The following PCDHGA6 variants were observed in gnomAD, a reference collection of about 807,000 sequenced individuals.
PCDHGA6 encodes the protein protocadherin gamma-A6.
A neutral mutation model predicts 60.6 loss-of-function variants in PCDHGA6; 41 were observed. That is an observed-to-expected ratio of 0.68 (90% CI 0.53 to 0.88). PCDHGA6 has a LOEUF of 0.88. Among genes scored for constraint, PCDHGA6 ranks in the 40% least tolerant of loss-of-function variants. The pLI, the probability that PCDHGA6 is intolerant of heterozygous loss-of-function variation, is 0.00. For missense variants in PCDHGA6, 1,312 were observed against 1,203.0 expected, an observed-to-expected ratio of 1.09 and a Z score of -1.34; for synonymous variants, 594 against 524.4, an observed-to-expected ratio of 1.13 and a Z score of -1.81.
intron 1 of PCDHGA6, chr5:141,418,230 A>T (rs745395585): frequency 6.2e-7 from 1 of 1,614,058 alleles, no homozygotes; most frequent in Non-Finnish European, 8.5e-7. Context: ...GTGGTGATTG[A>T]GGATGTTAAT....
intron 1 of PCDHGA6, among the ~76,000 whole-genome samples, chr5:141,397,443 A>G (rs1307784938): frequency 6.6e-6 from 1 of 152,244 alleles, no homozygotes; most frequent in African/African-American, 2.4e-5. Flanking sequence ...TATGTGTAAT[A>G]TAAAACACTA....
chr5:141,457,127 C>G (rs2098910262), intron 1 of PCDHGA6, among the ~76,000 whole-genome samples: 1 of 152,200 alleles, frequency 6.6e-6, no homozygotes, highest in Admixed American at 6.5e-5. Flanking sequence ...AATGGAAACT[C>G]TGTCCAATAT....
In PCDHGA6 at chr5:141,375,139, A is replaced by C; in HGVS notation, c.1056A>C (p.Gly352=). 6.2e-7 allele frequency: 1 copy of C among 1,613,936 alleles called. No individual in the cohort carries two copies. The highest frequency in any genetic ancestry group is 8.5e-7 in the Non-Finnish European group (1 of 1,179,876). The change falls in exon 1 of 4, where the codon GGA becomes GGC. Residue 352 remains glycine (G), a synonymous_variant. Coordinates refer to ENST00000517434, the MANE Select transcript of PCDHGA6 (RefSeq NM_018919.3). ...TACCAGAAGTGGTTGTTACATCTGGAAGCAGAACAATTGCTGAAAGTGCAC... is the reference window on the plus strand; with the variant it reads ...TACCAGAAGTGGTTGTTACATCTGGCAGCAGAACAATTGCTGAAAGTGCAC... ...DNVPEVVVTS[G]SRTIAESAPP... is the part of the protein sequence containing the mutation.
intron 1 of PCDHGA6, among the ~76,000 whole-genome samples, chr5:141,481,731 A>G (rs1339022274): frequency 6.6e-6 from 1 of 152,060 alleles, no homozygotes; most frequent in African/African-American, 2.4e-5. Context: ...AGGCGGGCGG[A>G]TCACGAGGTC....
chr5:141,461,196 T>C (rs1398352067), intron 1 of PCDHGA6, among the ~76,000 whole-genome samples: 3 of 152,128 alleles, frequency 2.0e-5, no homozygotes. Context: ...TGTTTTTTGC[T>C]CTTTAGAGAA....
At chr5:141,408,623 G>C in intron 1 of PCDHGA6, 1 of 1,614,004 alleles carries the variant, frequency 6.2e-7, no homozygotes, top group Non-Finnish European at 8.5e-7. Flanking sequence ...AATACATTTA[G>C]AAATTTTCGA....
At chr5:141,398,425 C>G (rs2093656331) in intron 1 of PCDHGA6, 2 of 1,519,432 alleles carry the variant, frequency 1.3e-6, no homozygotes, top group East Asian at 2.3e-5. Flanking sequence ...CGGGAAGAAG[C>G]CAGCTTGTGC....
Position 141,490,148 on chromosome 5 carries a change from A to T in PCDHGA6, c.2425-4659A>T. On this transcript the variant is annotated intron_variant, in intron 1 of 3. Transcript: ENST00000517434. This position sits in a 1 kb window ranked among gnomAD's most constrained non-coding sequence, Gnocchi z 5.4. The stretch of plus-strand genomic sequence containing the variant: ...CTAGACCCTAGCAGTGGGGCAATCC[A>T]TGTGTTGGGTCCCATAGACTTTGAG... The T allele has an allele frequency of 6.2e-7, 1 of 1,614,232 alleles. No homozygotes were observed. The highest frequency in any genetic ancestry group is 1.3e-5 in the African/African-American group (1 of 75,068).
At chr5:141,409,538 A>G (rs772375542) in intron 1 of PCDHGA6, 5 of 1,613,844 alleles carry the variant, frequency 3.1e-6, no homozygotes, top group Non-Finnish European at 4.2e-6. Flanking sequence ...CGCTGACATC[A>G]ACGACAACGC....
intron 1 of PCDHGA6, chr5:141,404,217 T>C (rs1188874623): frequency 6.2e-7 from 1 of 1,613,588 alleles, no homozygotes; most frequent in Non-Finnish European, 8.5e-7. Context: ...AATATCACGG[T>C]GACTGCAACA....
chr5:141,478,143 A>T (rs759384540), intron 1 of PCDHGA6: 1 of 1,614,014 alleles, frequency 6.2e-7, no homozygotes, highest in Non-Finnish European at 8.5e-7. Flanking sequence ...GCCCGAGCCG[A>T]GTTCCCCTCT....
intron 2 of PCDHGA6, among the ~76,000 whole-genome samples, chr5:141,495,377 G>A (rs558501090): frequency 1.9e-4 from 29 of 152,330 alleles, no homozygotes; most frequent in Admixed American, 6.5e-4. Flanking sequence ...ACTGAGGAAG[G>A]ACTGGGCGGG....
chr5:141,476,986 C>A lies in PCDHGA6; in HGVS notation c.2425-17821C>A. ...CCTTCGGCAGCCACAACCGCGCCGG[C>A]GTGCGGCAACTATTCGCCTTAGACC... On this transcript the variant is annotated intron_variant, in intron 1 of 3. Transcript: ENST00000517434. The surrounding 1 kb of genome is among the most constrained non-coding windows in gnomAD (Gnocchi z 7.6). 6.2e-7 allele frequency: 1 copy of A among 1,614,218 alleles called. No individual in the cohort carries two copies. The highest frequency in any genetic ancestry group is 8.5e-7 in the Non-Finnish European group (1 of 1,180,042).
chr5:141,470,597 T>A (rs1309687738), intron 1 of PCDHGA6, among the ~76,000 whole-genome samples: 5 of 152,216 alleles, frequency 3.3e-5, no homozygotes, highest in Non-Finnish European at 7.3e-5. Flanking sequence ...AGGCGACCTG[T>A]GCGGGGACAC....
intron 2 of PCDHGA6, among the ~76,000 whole-genome samples, chr5:141,502,866 C>CTTTTTTT (rs549047197): frequency 0.02 from 2,590 of 127,990 alleles, 216 homozygotes; most frequent in African/African-American, 0.075. Flanking sequence ...GACTCTCTGT[C>CTTTTTTT]TTTTTTTTTT....
At chr5:141,423,967 A>C (rs760284844) in intron 1 of PCDHGA6, 11 of 1,153,498 alleles carry the variant, frequency 9.5e-6, no homozygotes, top group Non-Finnish European at 1.2e-5. Flanking sequence ...TTTTTCTATT[A>C]TCAGTGTATG....
chr5:141,403,749 C>T (rs759577178), intron 1 of PCDHGA6: 2 of 1,613,652 alleles, frequency 1.2e-6, no homozygotes, highest in Non-Finnish European at 1.7e-6. Context: ...ACTGCAACAG[C>T]CAGCGACCTG....
chr5:141,485,116 G>T lies in PCDHGA6; in HGVS notation c.2425-9691G>T, dbSNP rs904145668. ...TGTCTCCAGCTGCTGTGGCTGTTTGGGGCGGGTCGGCTTCATCCGCGTCTC... is the reference window on the plus strand; with the variant it reads ...TGTCTCCAGCTGCTGTGGCTGTTTGTGGCGGGTCGGCTTCATCCGCGTCTC... On this transcript the variant is annotated intron_variant, in intron 1 of 3. Coordinates refer to ENST00000517434, the MANE Select transcript of PCDHGA6 (RefSeq NM_018919.3). This position sits in a 1 kb window ranked among gnomAD's most constrained non-coding sequence, Gnocchi z 5.7. 3.0e-6 allele frequency: 4 copies of T among 1,312,058 alleles called. No homozygotes were observed. The African/African-American group carries it at 5.8e-5, about 19-fold the overall frequency. 81.3% of individuals were successfully genotyped at this position (1,312,058 alleles called of 1,614,324 possible).
Position 141,485,814 on chromosome 5 carries a change from C to T in PCDHGA6, c.2425-8993C>T, listed in dbSNP as rs2099619616. 7.4e-6 allele frequency: 12 copies of T among 1,613,982 alleles called. No individual in the cohort carries two copies. The East Asian group carries it at 2.2e-4, about 30-fold the overall frequency. On this transcript the variant is annotated intron_variant, in intron 1 of 3. Coordinates refer to ENST00000517434, the MANE Select transcript of PCDHGA6 (RefSeq NM_018919.3). This position sits in a 1 kb window ranked among gnomAD's most constrained non-coding sequence, Gnocchi z 5.7. ...TCGGACTACCGCCTGGTGCTGACTG[C>T]TGTCGATGGAGGGAACCCGCCGAGA...
Sources: allele counts gnomAD v4.1 joint callset (sites outside exome capture counted in the v4.1 genomes callset), GRCh38; gene constraint gnomAD v4.1.1; non-coding constraint Gnocchi (gnomAD v3.1); transcripts MANE v1.5; gene names NCBI Gene and HGNC (gene_info 2026-07-23, HGNC 2026-07-21).